Variants in CEP295 observed in about 807,000 individuals in gnomAD.
The protein encoded by CEP295 is centrosomal protein of 295 kDa.
In CEP295, 190 loss-of-function variants were observed where a neutral mutation model predicts 291.6. The ratio of observed to expected loss-of-function variants is 0.65; its 90% CI spans 0.58 to 0.73. CEP295 has a LOEUF of 0.73. Among genes scored for constraint, CEP295 ranks in the 30% least tolerant of loss-of-function variants. CEP295 has a pLI of 0.00. For synonymous variants in CEP295, 993 were observed against 1,038.8 expected (o/e 0.96, Z 0.85); for missense variants, 2,863 against 2,949.4 (o/e 0.97, Z 0.68).
intron 18 of CEP295, 122 bp downstream of exon 18, chr11:93,707,019 A>G (rs1174070087): frequency 6.1e-6 from 5 of 814,220 alleles, no homozygotes; most frequent in Non-Finnish European, 9.2e-6. Flanking sequence ...TGTTAATGGA[A>G]TCGTTATGAT....
chr11:93,697,719 G>GT lies in CEP295; in HGVS notation c.2810dup (p.Leu937PhefsTer13). 1 of 1,551,580 alleles carries GT rather than the reference G, an allele frequency of 6.4e-7. No homozygotes were observed. Among genetic ancestry groups the GT allele is most frequent in the South Asian group, 1.2e-5 (1 of 84,050 alleles). On this transcript the variant is annotated frameshift_variant, in exon 15 of 30. Transcript: ENST00000325212. LOFTEE classifies it high-confidence loss of function. ...GTGATCTCACAACTTCAGGATAAGC[G>GT]TTTGAGTCTTTCACAGCCTATCCTA...
Position 93,669,740 on chromosome 11 carries a change from T to G in CEP295, c.498T>G (p.Ser166Arg), listed in dbSNP as rs1429408022. The change falls in exon 5 of 30, where the codon AGT becomes AGG. Residue 166 changes from serine (S) to arginine (R), a missense_variant. Transcript: ENST00000325212. ...VEKERSAKITSLPPPPPTLFE... is the reference protein window; with the variant it reads ...VEKERSAKITRLPPPPPTLFE... ...AAGAGAGATCAGCCAAAATTACAAGTCTGCCACCTCCTCCTCCAACTCTTT... is the reference window on the plus strand; with the variant it reads ...AAGAGAGATCAGCCAAAATTACAAGGCTGCCACCTCCTCCTCCAACTCTTT... 1 of 1,550,774 alleles carries G rather than the reference T, an allele frequency of 6.4e-7. No individual in the cohort carries two copies. Among genetic ancestry groups the G allele is most frequent in the East Asian group, 2.4e-5 (1 of 40,842 alleles).
Position 93,699,243 on chromosome 11 carries a change from G to C in CEP295, c.4331G>C (p.Gly1444Ala). The stretch of plus-strand genomic sequence containing the variant: ...CCAACATTGCCTGATGGGCTGTTGG[G>C]TTTATCACATCTTGTTTTACCTCAA... ...EIPTLPDGLL[G>A]LSHLVLPQQD... Residue 1444 changes from glycine to alanine, a missense_variant, in exon 15 of 30, where the codon GGT (glycine) becomes GCT (alanine). By Grantham distance (60) the Gly-to-Ala change is moderately conservative (BLOSUM62 0). Transcript: ENST00000325212. The C allele has an allele frequency of 6.4e-7, 1 of 1,551,798 alleles. No individual in the cohort carries two copies. The highest frequency in any genetic ancestry group is 8.7e-7 in the Non-Finnish European group (1 of 1,146,986).
At chr11:93,715,398 G>C (rs1403159316) in intron 18 of CEP295, among the ~76,000 whole-genome samples, 1 of 152,020 alleles carries the variant, frequency 6.6e-6, no homozygotes, top group African/African-American at 2.4e-5. Context: ...CCTCCTCTCT[G>C]ACCCAGGGTA....
At chr11:93,683,379 G>A (rs913098164) in intron 7 of CEP295, among the ~76,000 whole-genome samples, 180 bp from the exon 8 acceptor site, 2 of 152,138 alleles carry the variant, frequency 1.3e-5, no homozygotes, top group South Asian at 2.1e-4. Flanking sequence ...ACTTAATGTG[G>A]TATCTGGTAT....
At chr11:93,724,158 A>G (rs1216731934) in intron 21 of CEP295, 96 bp from the exon 22 acceptor site, 9 of 1,153,448 alleles carry the variant, frequency 7.8e-6, no homozygotes, top group East Asian at 2.6e-5. Context: ...GCGTTTATGA[A>G]TATGTTCTTA....
chr11:93,712,223 A>G (rs1197071433), intron 18 of CEP295, among the ~76,000 whole-genome samples: 1 of 147,608 alleles, frequency 6.8e-6, no homozygotes, highest in African/African-American at 2.5e-5. Flanking sequence ...TTTTTTTCCT[A>G]TGGTTTTTGT....
At chr11:93,706,978 G>A (rs1158395726) in intron 18 of CEP295, 81 bp downstream of exon 18, 2 of 1,207,958 alleles carry the variant, frequency 1.7e-6, no homozygotes, top group African/African-American at 1.5e-5. Flanking sequence ...ATTTGTAATG[G>A]TGAAAAATGG....
intron 18 of CEP295, among the ~76,000 whole-genome samples, chr11:93,710,786 C>G (rs1952840910): frequency 6.6e-6 from 1 of 152,150 alleles, no homozygotes; most frequent in Non-Finnish European, 1.5e-5. Flanking sequence ...GCTTTGATCT[C>G]ATTACTTGTT....
chr11:93,672,933 G>A (rs763121850), intron 5 of CEP295, among the ~76,000 whole-genome samples: 4 of 151,664 alleles, frequency 2.6e-5, no homozygotes, highest in Non-Finnish European at 5.9e-5. Flanking sequence ...GGAAGTACTG[G>A]TACTTTAAAA....
chr11:93,716,552 A>G (rs1039319195), intron 18 of CEP295, among the ~76,000 whole-genome samples: 3 of 152,200 alleles, frequency 2.0e-5, no homozygotes, highest in Non-Finnish European at 4.4e-5. Flanking sequence ...ACAGGAGGGT[A>G]TCTTTATTAT....
chr11:93,667,642 A>G lies in CEP295; in HGVS notation c.144A>G (p.Ile48Met), dbSNP rs1950251495. The change falls in exon 3 of 30, where the codon ATA becomes ATG. Residue 48 changes from isoleucine (I) to methionine (M), a missense_variant. This residue lies in a region of CEP295 where 554 missense variants were observed against 576.0 expected (regional missense o/e 0.96). Transcript: ENST00000325212. ...AAGAAAGAGATATCGCCTTACAGAT[A>G]AGAGAAGACATAAAACAGAGGAGAA... ...REQERDIALQ[I>M]REDIKQRRNQ... 24 of 1,551,262 alleles carry G rather than the reference A, an allele frequency of 1.5e-5. No homozygotes were observed. The highest frequency in any genetic ancestry group is 2.0e-5 in the Non-Finnish European group (23 of 1,146,664).
At chr11:93,713,747 A>T (rs1332183553) in intron 18 of CEP295, among the ~76,000 whole-genome samples, 2 of 152,164 alleles carry the variant, frequency 1.3e-5, no homozygotes, top group Non-Finnish European at 2.9e-5. Context: ...CCTTTGAACA[A>T]ACTCTATCCC....
chr11:93,673,348 C>A (rs1301262968), intron 5 of CEP295, among the ~76,000 whole-genome samples: 2 of 152,130 alleles, frequency 1.3e-5, no homozygotes, highest in Non-Finnish European at 2.9e-5. Context: ...TCAGTTTAAT[C>A]CTTTACCTAA....
chr11:93,669,673 T>G lies in CEP295; in HGVS notation c.435-4T>G. On this transcript the variant is annotated splice_region_variant and splice_polypyrimidine_tract_variant and intron_variant, in intron 4 of 29. Coordinates refer to ENST00000325212, the MANE Select transcript of CEP295 (RefSeq NM_033395.2). ...TTAATTGATGACATCTCTTGTTTCTTAAGGCATATAAAAGCTCGAAAGGAA... is the reference window on the plus strand; with the variant it reads ...TTAATTGATGACATCTCTTGTTTCTGAAGGCATATAAAAGCTCGAAAGGAA... The G allele has an allele frequency of 6.5e-7, 1 of 1,542,598 alleles. No individual in the cohort carries two copies. The highest frequency in any genetic ancestry group is 8.8e-7 in the Non-Finnish European group (1 of 1,139,072).
intron 9 of CEP295, 117 bp from the exon 10 acceptor site, chr11:93,687,527 A>T: frequency 1.7e-6 from 1 of 595,030 alleles, no homozygotes; most frequent in Non-Finnish European, 2.9e-6. Flanking sequence ...AAATATGAGG[A>T]AAATAAAACT....
At chr11:93,720,100 A>G (rs1953586055) in intron 18 of CEP295, among the ~76,000 whole-genome samples, 2 of 148,538 alleles carry the variant, frequency 1.3e-5, no homozygotes, top group African/African-American at 4.9e-5. Flanking sequence ...GCTCATGCCT[A>G]TAATCCCAGC....
At position 93,730,049 on chromosome 11, in the gene CEP295, G is replaced by A. The variant is rs1381155285; in HGVS notation, c.7668G>A (p.Arg2556=). Residue 2556 remains arginine, a splice_region_variant and synonymous_variant, in exon 29 of 30, where the codon AGG becomes AGA. Coordinates refer to ENST00000325212, the MANE Select transcript of CEP295 (RefSeq NM_033395.2). Reference sequence around the variant, plus strand: ...CTAATTCTATATAAATTCTTTACAGGTTATACAATCAACTAGCTGAAGTGA... The same window carrying A: ...CTAATTCTATATAAATTCTTTACAGATTATACAATCAACTAGCTGAAGTGA... ...TQALRHQRGL[R]LYNQLAEVKQ... 2 of 1,545,286 alleles carry A rather than the reference G, an allele frequency of 1.3e-6. No individual in the cohort carries two copies. The highest frequency in any genetic ancestry group is 2.4e-5 in the East Asian group (1 of 40,826).
intron 1 of CEP295, among the ~76,000 whole-genome samples, chr11:93,663,053 A>T (rs1950057165): frequency 6.6e-6 from 1 of 152,254 alleles, no homozygotes; most frequent in Non-Finnish European, 1.5e-5. Context: ...GGGTCTTGAA[A>T]AGACAGACTG....
Sources: gnomAD v4.1 joint callset for allele counts (sites outside exome capture counted in the v4.1 genomes callset) on GRCh38, gnomAD v4.1.1 for gene constraint, gnomAD v4.1.1 regional missense constraint, MANE v1.5 for transcripts, NCBI Gene and HGNC (gene_info 2026-07-23, HGNC 2026-07-21) for gene names.